The following MALT1 variants were observed in gnomAD, a reference collection of about 807,000 sequenced individuals.
The protein encoded by MALT1 is MALT1 paracaspase.
In MALT1, 36 loss-of-function variants were observed where a neutral mutation model predicts 85.5. That is an observed-to-expected ratio of 0.42 (90% CI 0.32 to 0.56). The LOEUF is 0.56. Ranked by LOEUF, MALT1 falls within the 20% of genes least tolerant of loss-of-function variation. The pLI, the probability that MALT1 is intolerant of heterozygous loss-of-function variation, is 0.10. For synonymous variants in MALT1, 359 were observed against 361.3 expected (o/e 0.99, Z 0.07); for missense variants, 716 against 981.6 (o/e 0.73, Z 3.62).
intron 4 of MALT1, among the ~76,000 whole-genome samples, chr18:58,703,306 AAG>A (rs2054700666): frequency 6.6e-6 from 1 of 152,060 alleles, no homozygotes; most frequent in Admixed American, 6.5e-5. Context: ...GCAGTGAGCC[AAG>A]ATTGCACCAT....
At chr18:58,707,223 A>T (rs1296670888) in intron 4 of MALT1, among the ~76,000 whole-genome samples, 1 of 151,806 alleles carries the variant, frequency 6.6e-6, no homozygotes, top group Non-Finnish European at 1.5e-5. Context: ...CACTGCTGAA[A>T]TTGTAAGTTG....
chr18:58,689,038 G>A (rs2054454803), intron 2 of MALT1, among the ~76,000 whole-genome samples: 1 of 152,128 alleles, frequency 6.6e-6, no homozygotes, highest in Admixed American at 6.5e-5. Context: ...CGTAGACCCA[G>A]CTATTGGGGG....
At chr18:58,672,122 G>A (rs2054172313) in intron 1 of MALT1, 1 of 315,318 alleles carries the variant, frequency 3.2e-6, no homozygotes, top group Non-Finnish European at 5.8e-6. Context: ...CCCGCCCCTG[G>A]TGAAAGGGAG....
At chr18:58,682,303 G>A (rs537945039) in intron 2 of MALT1, among the ~76,000 whole-genome samples, 1 of 152,272 alleles carries the variant, frequency 6.6e-6, no homozygotes, top group Admixed American at 6.5e-5. Context: ...TATGCTGTCA[G>A]TTACATGTAC....
rs59731346 is a variant in MALT1 at position 58,717,362 on chromosome 18, C to CA, written c.1018+1410dup. Among the ~76,000 whole-genome samples, 539 of 98,336 alleles carry CA rather than the reference C, an allele frequency of 5.5e-3. 7 individuals carry two copies. The highest frequency in any genetic ancestry group is 0.054 in the South Asian group (172 of 3,190). 64.5% of individuals were successfully genotyped at this position (98,336 alleles called of 152,430 possible). A position where few individuals can be genotyped will look rare whatever the true frequency, so the allele number is the denominator to read the frequency against. On this transcript the variant is annotated intron_variant, in intron 9 of 16. Coordinates refer to ENST00000649217, the MANE Select transcript of MALT1 (RefSeq NM_006785.4). ...GGGCAACGAGAGTGAAACTCTGTCTCAAAAAAAAAAAAAAAGATTGAGGGA... is the reference window on the plus strand; with the variant it reads ...GGGCAACGAGAGTGAAACTCTGTCTCAAAAAAAAAAAAAAAAGATTGAGGGA...
Position 58,743,981 on chromosome 18 carries a change from AC to A in MALT1, c.1754-356del, listed in dbSNP as rs1416252740. Among the ~76,000 whole-genome samples, 3 of 152,300 alleles carry A rather than the reference AC, an allele frequency of 2.0e-5. No individual in the cohort carries two copies. The East Asian group carries it at 5.8e-4, about 29-fold the overall frequency. On this transcript the variant is annotated intron_variant, in intron 14 of 16. Transcript: ENST00000649217. ...AGGTATTATAAATATTCAAGAGTTA[AC>A]AGAATGGTTAAAGGTAACAAACTAT...
At chr18:58,715,893 T>C (rs1456948221) in intron 8 of MALT1, 42 bp from the exon 9 acceptor site, 4 of 1,386,668 alleles carry the variant, frequency 2.9e-6, no homozygotes, top group East Asian at 2.3e-5. Flanking sequence ...TCTGGAAATA[T>C]ACCATGGATC....
In MALT1 at chr18:58,754,376, A is replaced by G. The variant is rs1404787101; in HGVS notation, c.*6534A>G. 2.0e-5 allele frequency: 3 copies of G among 152,258 alleles called. No individual in the cohort carries two copies. The highest frequency in any genetic ancestry group is 6.5e-5 in the Admixed American group (1 of 15,288). The allele number at this position is 152,258 out of a possible 1,614,324, so 9.4% of individuals were successfully genotyped here. A position where few individuals can be genotyped will look rare whatever the true frequency, so the allele number is the denominator to read the frequency against. ...ATTGAAAACATTTCCAAAGGATTTG[A>G]CCTGAAGTTAATGTTGCTACATTAT... On this transcript the variant is annotated 3_prime_UTR_variant, in exon 17 of 17. Coordinates refer to ENST00000649217, the MANE Select transcript of MALT1 (RefSeq NM_006785.4).
intron 9 of MALT1, among the ~76,000 whole-genome samples, chr18:58,716,315 G>A (rs1021512319): frequency 1.3e-5 from 2 of 152,226 alleles, no homozygotes; most frequent in African/African-American, 4.8e-5. Context: ...AAAGGCTGCA[G>A]TAGCTTTAGC....
chr18:58,727,524 C>T (rs1407741933), intron 10 of MALT1, among the ~76,000 whole-genome samples: 3 of 151,800 alleles, frequency 2.0e-5, no homozygotes, highest in Non-Finnish European at 2.9e-5. Context: ...AGGATGGTCT[C>T]GCTCTATCTC....
chr18:58,720,376 CCA>C (rs912571727), intron 9 of MALT1, among the ~76,000 whole-genome samples: 1 of 152,158 alleles, frequency 6.6e-6, no homozygotes, highest in African/African-American at 2.4e-5. Context: ...TCCATCCACC[CCA>C]GTTCACCTGT....
At position 58,695,112 on chromosome 18, in the gene MALT1, C is replaced by T. The variant is rs140596269; in HGVS notation, c.377-1254C>T. On this transcript the variant is annotated intron_variant, in intron 2 of 16. Transcript: ENST00000649217. ...CCGCACCTTCTTCTCGTTTGTCTGC[C>T]GCCATGTGAGACATGCCTTTCACCT... Among the ~76,000 whole-genome samples, 238 of 152,280 alleles carry T rather than the reference C, an allele frequency of 1.6e-3. 2 individuals are homozygous for T. The highest frequency in any genetic ancestry group is 5.7e-3 in the Admixed American group (87 of 15,286).
In MALT1 at chr18:58,752,318, A is replaced by C. The variant is rs995349825; in HGVS notation, c.*4476A>C. 6.6e-6 allele frequency: 1 copy of C among 152,178 alleles called. No individual in the cohort carries two copies. The highest frequency in any genetic ancestry group is 2.4e-5 in the African/African-American group (1 of 41,446). The allele number at this position is 152,178 out of a possible 1,614,324, so 9.4% of individuals were successfully genotyped here. A position where few individuals can be genotyped will look rare whatever the true frequency, so the allele number is the denominator to read the frequency against. On this transcript the variant is annotated 3_prime_UTR_variant, in exon 17 of 17. Transcript: ENST00000649217. Reference sequence around the variant, plus strand: ...ATTTTACTTTTAAGGGTTTTTTTCCAAACAGACGTCCTGACAATGTTGTTT... The same window carrying C: ...ATTTTACTTTTAAGGGTTTTTTTCCCAACAGACGTCCTGACAATGTTGTTT...
chr18:58,726,485 T>G (rs1394906005), intron 10 of MALT1, among the ~76,000 whole-genome samples: 1 of 152,154 alleles, frequency 6.6e-6, no homozygotes, highest in Non-Finnish European at 1.5e-5. Context: ...TCACAGGAAT[T>G]TCAGCATGAA....
Position 58,733,510 on chromosome 18 carries a change from C to T in MALT1, c.1336C>T (p.Leu446=), listed in dbSNP as rs529740893. The T allele has an allele frequency of 1.8e-4, 287 of 1,612,382 alleles. 5 individuals carry two copies. The South Asian group carries it at 3.1e-3, about 17-fold the overall frequency. The stretch of plus-strand genomic sequence containing the variant: ...AAATTGTCTGTGTGTACAAAATATA[C>T]TGAAATTGATGCAAGAAAAAGAAAC... The part of the protein sequence containing the change: ...SENCLCVQNI[L]KLMQEKETGL... The change falls in exon 11 of 17, where the codon CTG becomes TTG. Residue 446 remains leucine, a synonymous_variant. Coordinates refer to ENST00000649217, the MANE Select transcript of MALT1 (RefSeq NM_006785.4).
At chr18:58,714,030 G>A in intron 7 of MALT1, 53 bp from the exon 8 acceptor site, 3 of 846,284 alleles carry the variant, frequency 3.5e-6, no homozygotes, top group Admixed American at 2.1e-5. Flanking sequence ...CTTACTATTT[G>A]TGCTAAATTG....
chr18:58,747,008 G>A (rs879919676), intron 16 of MALT1, among the ~76,000 whole-genome samples: 12 of 152,176 alleles, frequency 7.9e-5, no homozygotes, highest in African/African-American at 2.9e-4. Flanking sequence ...GATTATAGGC[G>A]TGAGCCACCA....
intron 4 of MALT1, among the ~76,000 whole-genome samples, chr18:58,706,725 C>T (rs1228758479): frequency 6.6e-6 from 1 of 152,164 alleles, no homozygotes; most frequent in Non-Finnish European, 1.5e-5. Flanking sequence ...AGGATATTTT[C>T]GTCGTGTATA....
In MALT1 at chr18:58,750,744, T is replaced by C. The variant is rs2055435499; in HGVS notation, c.*2902T>C. On this transcript the variant is annotated 3_prime_UTR_variant, in exon 17 of 17. Coordinates refer to ENST00000649217, the MANE Select transcript of MALT1 (RefSeq NM_006785.4). ...ACAAATTCTAACTCAAAATGGATCA[T>C]AGACCTCAATATAAGAGTTTAAACT... The C allele has an allele frequency of 6.6e-6, 1 of 152,164 alleles. No individual in the cohort carries two copies. The highest frequency in any genetic ancestry group is 6.5e-5 in the Admixed American group (1 of 15,272). The allele number at this position is 152,164 out of a possible 1,614,324, so 9.4% of individuals were successfully genotyped here. A position where few individuals can be genotyped will look rare whatever the true frequency, so the allele number is the denominator to read the frequency against.
Sources: allele counts gnomAD v4.1 joint callset (sites outside exome capture counted in the v4.1 genomes callset), GRCh38; gene constraint gnomAD v4.1.1; transcripts MANE v1.5; gene names NCBI Gene and HGNC (gene_info 2026-07-23, HGNC 2026-07-21).